The following UPP2 variants were observed in gnomAD, a reference collection of about 807,000 sequenced individuals.
UPP2 encodes the protein uridine phosphorylase 2.
UPP2 carries 23 observed loss-of-function variants against 26.7 expected under a neutral mutation model. The ratio of observed to expected loss-of-function variants is 0.86; its 90% confidence interval spans 0.62 to 1.22. UPP2 has a LOEUF of 1.22. UPP2 is among the 50% of genes most tolerant of loss of function. UPP2 has a pLI of 0.00. For missense variants in UPP2, 387 were observed against 396.7 expected, an observed-to-expected ratio of 0.98 and a Z score of 0.21; for synonymous variants, 127 against 141.3, an observed-to-expected ratio of 0.90 and a Z score of 0.72.
At chr2:158,088,283 C>T (rs1682849147) in intron 3 of UPP2, among the ~76,000 whole-genome samples, 1 of 152,274 alleles carries the variant, frequency 6.6e-6, no homozygotes, top group South Asian at 2.1e-4. Flanking sequence ...ATTGCTGAGA[C>T]TTTCCAGTGT....
chr2:158,096,215 A>G (rs1367143942), intron 3 of UPP2, among the ~76,000 whole-genome samples: 1 of 152,232 alleles, frequency 6.6e-6, no homozygotes, highest in Non-Finnish European at 1.5e-5. Context: ...AAAGGCCACC[A>G]GAAAAGCCAG....
intron 3 of UPP2, among the ~76,000 whole-genome samples, chr2:158,018,175 ATCCAAAGGACACTAGTT>A (rs1284687331): frequency 6.6e-6 from 1 of 152,266 alleles, no homozygotes; most frequent in Non-Finnish European, 1.5e-5. Context: ...AGTAAGCATT[ATCCAAAGGACACTAGTT>A]TTAGTGACTA....
chr2:158,121,595 T>C lies in UPP2; in HGVS notation c.641T>C (p.Met214Thr). ...PNFPTLVGHT[M>T]CTYDFYEGQG... The stretch of plus-strand genomic sequence containing the variant: ...TTCCCAACCCTCGTTGGACATACAA[T>C]GTGTACCTATGATTTTTATGAAGGT... Residue 214 changes from methionine to threonine, a missense_variant, in exon 5 of 7, where the codon ATG (methionine) becomes ACG (threonine). Met to Thr is a moderately conservative substitution (Grantham distance 81). Coordinates refer to ENST00000005756, the MANE Select transcript of UPP2 (RefSeq NM_173355.4). 1 of 1,613,162 alleles carries C rather than the reference T, an allele frequency of 6.2e-7. No homozygotes were observed. Among genetic ancestry groups the C allele is most frequent in the Non-Finnish European group, 8.5e-7 (1 of 1,179,158 alleles).
At chr2:158,011,680 G>C (rs1031090345) in intron 2 of UPP2, among the ~76,000 whole-genome samples, 6 of 145,386 alleles carry the variant, frequency 4.1e-5, no homozygotes, top group African/African-American at 1.5e-4. Flanking sequence ...GGGAGGGAGG[G>C]AGGGAAGGAG....
At chr2:158,024,588 G>T (rs1013645916) in intron 3 of UPP2, among the ~76,000 whole-genome samples, 1 of 152,132 alleles carries the variant, frequency 6.6e-6, no homozygotes, top group East Asian at 1.9e-4. Flanking sequence ...AGTTTTTAAC[G>T]TGAGTGTTAA....
intron 2 of UPP2, among the ~76,000 whole-genome samples, chr2:158,114,060 AG>A (rs1361937621): frequency 6.6e-6 from 1 of 152,162 alleles, no homozygotes; most frequent in Non-Finnish European, 1.5e-5. Context: ...AGATGTTCTG[AG>A]GCACATCGAT....
chr2:158,007,631 T>C (rs372348215), intron 2 of UPP2, among the ~76,000 whole-genome samples: 918 of 90,048 alleles, frequency 0.01, 11 homozygotes, highest in African/African-American at 0.091. Flanking sequence ...CTCTCTCTCT[T>C]TTTTTTTTTT....
At chr2:158,078,573 A>G (rs1158361763) in intron 3 of UPP2, among the ~76,000 whole-genome samples, 2 of 152,290 alleles carry the variant, frequency 1.3e-5, no homozygotes, top group Non-Finnish European at 2.9e-5. Flanking sequence ...GGGAGATACA[A>G]ATGAAAACGA....
intron 3 of UPP2, among the ~76,000 whole-genome samples, chr2:158,039,766 A>G (rs1684059020): frequency 6.6e-6 from 1 of 152,242 alleles, no homozygotes. Flanking sequence ...CTTGGTTCAC[A>G]CACCTATTAA....
At chr2:157,995,226 C>G (rs750664762) in exon 2 of UPP2, 2 of 1,613,576 alleles carry the variant, frequency 1.2e-6, no homozygotes, top group Non-Finnish European at 1.7e-6. Flanking sequence ...TGAGTTGGAC[C>G]CAGACCAAGA....
At chr2:158,022,807 T>C (rs1232702708) in intron 3 of UPP2, among the ~76,000 whole-genome samples, 1 of 152,212 alleles carries the variant, frequency 6.6e-6, no homozygotes, top group Non-Finnish European at 1.5e-5. Flanking sequence ...CCACTCATTC[T>C]TTCATTCCTA....
chr2:158,047,370 G>A (rs192547785), intron 3 of UPP2, among the ~76,000 whole-genome samples: 11 of 152,358 alleles, frequency 7.2e-5, no homozygotes, highest in East Asian at 1.9e-4. Flanking sequence ...TGTTGGGAAC[G>A]AGAGGTGGCT....
chr2:158,107,157 A>C (rs975920956), intron 2 of UPP2, among the ~76,000 whole-genome samples: 3 of 152,242 alleles, frequency 2.0e-5, no homozygotes, highest in African/African-American at 7.2e-5. Context: ...GGTGATTCAC[A>C]GAAATGGTCA....
chr2:158,014,629 G>C (rs1683631554), intron 2 of UPP2, among the ~76,000 whole-genome samples: 1 of 152,134 alleles, frequency 6.6e-6, no homozygotes, highest in African/African-American at 2.4e-5. Flanking sequence ...TTAGCAAATT[G>C]CTGCTGCACA....
chr2:158,024,018 T>G (rs1425204294), intron 3 of UPP2, among the ~76,000 whole-genome samples: 1 of 152,230 alleles, frequency 6.6e-6, no homozygotes, highest in Non-Finnish European at 1.5e-5. Context: ...AAATGTAGCA[T>G]TGTTAGAACT....
chr2:158,109,878 C>T (rs1683275294), intron 2 of UPP2, among the ~76,000 whole-genome samples: 1 of 152,116 alleles, frequency 6.6e-6, no homozygotes, highest in Non-Finnish European at 1.5e-5. Context: ...GCAGGATATA[C>T]ATTTCCGGGG....
intron 6 of UPP2, among the ~76,000 whole-genome samples, chr2:158,134,533 C>T (rs1259603352): frequency 1.3e-5 from 2 of 152,154 alleles, no homozygotes; most frequent in African/African-American, 4.8e-5. Context: ...GGAGTGTTCA[C>T]AACAATTTTA....
chr2:158,006,741 G>C (rs559440108), intron 2 of UPP2, among the ~76,000 whole-genome samples: 3 of 152,154 alleles, frequency 2.0e-5, no homozygotes, highest in African/African-American at 7.2e-5. Context: ...AGGCATACTC[G>C]AGGAAGCCTT....
At chr2:158,071,433 C>T (rs1055189599) in intron 3 of UPP2, among the ~76,000 whole-genome samples, 9 of 151,684 alleles carry the variant, frequency 5.9e-5, no homozygotes, top group African/African-American at 2.2e-4. Context: ...TGCCTGTAAT[C>T]CCAGCTACTG....
Sources: allele counts gnomAD v4.1 joint callset (sites outside exome capture counted in the v4.1 genomes callset), GRCh38; gene constraint gnomAD v4.1.1; transcripts MANE v1.5; gene names NCBI Gene and HGNC (gene_info 2026-07-23, HGNC 2026-07-21).